The following BANK1 variants were observed in gnomAD, a reference collection of about 807,000 sequenced individuals.
BANK1 encodes the protein B cell scaffold protein with ankyrin repeats 1.
A neutral mutation model predicts 94.5 loss-of-function variants in BANK1; 95 were observed. That is an observed-to-expected ratio of 1.00 (90% CI 0.85 to 1.19). The LOEUF (loss-of-function observed/expected upper bound fraction) is 1.19, where lower values mean the gene tolerates loss of function less well. Among genes scored for constraint, BANK1 ranks in the 50% most tolerant of loss-of-function variants. The pLI, the probability that BANK1 is intolerant of heterozygous loss-of-function variation, is 0.00. For missense variants in BANK1, 987 were observed against 932.2 expected, an observed-to-expected ratio of 1.06 and a Z score of -0.77; for synonymous variants, 334 against 308.4, an observed-to-expected ratio of 1.08 and a Z score of -0.87.
chr4:101,853,914 C>A (rs751745181), intron 2 of BANK1, among the ~76,000 whole-genome samples: 8 of 152,096 alleles, frequency 5.3e-5, no homozygotes, highest in Non-Finnish European at 1.2e-4. Context: ...GTGGTTTGGG[C>A]AATGTTCATT....
At chr4:101,998,178 A>C (rs1725945148) in intron 7 of BANK1, among the ~76,000 whole-genome samples, 1 of 152,158 alleles carries the variant, frequency 6.6e-6, no homozygotes, top group Non-Finnish European at 1.5e-5. Context: ...TTATTTACCC[A>C]GTAGTCATTC....
chr4:101,936,856 G>A (rs941851576), intron 7 of BANK1, among the ~76,000 whole-genome samples: 2 of 151,626 alleles, frequency 1.3e-5, no homozygotes, highest in African/African-American at 2.4e-5. Flanking sequence ...TACACTGTTG[G>A]TGGGAATGTA....
At chr4:101,825,553 T>A (rs986817248) in intron 1 of BANK1, among the ~76,000 whole-genome samples, 2 of 152,124 alleles carry the variant, frequency 1.3e-5, no homozygotes, top group East Asian at 3.8e-4. Flanking sequence ...TTTGTGGCTC[T>A]GATAAGTAAC....
intron 7 of BANK1, chr4:101,972,522 A>G (rs1341331638): frequency 6.6e-6 from 1 of 152,074 alleles, no homozygotes; most frequent in Non-Finnish European, 1.5e-5. Flanking sequence ...AAAGCTGTCC[A>G]CAGTACTAGA....
intron 4 of BANK1, among the ~76,000 whole-genome samples, chr4:101,863,587 G>A (rs950763956): frequency 5.3e-5 from 8 of 152,030 alleles, no homozygotes; most frequent in African/African-American, 1.9e-4. Flanking sequence ...TGTGTGGAAG[G>A]CATGTGTATG....
chr4:101,981,129 C>T (rs1725313659), intron 7 of BANK1, among the ~76,000 whole-genome samples: 1 of 152,064 alleles, frequency 6.6e-6, no homozygotes, highest in Non-Finnish European at 1.5e-5. Context: ...TGATAGTGGG[C>T]ATCCTTGCCT....
chr4:101,884,722 C>T (rs1200773334), intron 5 of BANK1, among the ~76,000 whole-genome samples: 1 of 152,158 alleles, frequency 6.6e-6, no homozygotes, highest in Non-Finnish European at 1.5e-5. Context: ...TAATACATAT[C>T]AATGTTACTT....
chr4:101,843,287 A>G (rs1727126932), intron 2 of BANK1, among the ~76,000 whole-genome samples: 1 of 152,154 alleles, frequency 6.6e-6, no homozygotes, highest in Admixed American at 6.5e-5. Flanking sequence ...TTTGATAAAT[A>G]TTCCACTATA....
chr4:101,870,179 T>C (rs950991009), intron 4 of BANK1, among the ~76,000 whole-genome samples: 30 of 152,008 alleles, frequency 2.0e-4, no homozygotes, highest in African/African-American at 7.0e-4. Context: ...TTTTCCAAAT[T>C]CTAAAGAATT....
intron 10 of BANK1, among the ~76,000 whole-genome samples, chr4:102,042,326 CAGTT>C (rs1199825337): frequency 6.6e-6 from 1 of 151,902 alleles, no homozygotes; most frequent in Non-Finnish European, 1.5e-5. Flanking sequence ...CAGAACTTGC[CAGTT>C]AGTTATATTT....
chr4:101,869,291 C>A (rs1248682584), intron 4 of BANK1, among the ~76,000 whole-genome samples: 1 of 151,826 alleles, frequency 6.6e-6, no homozygotes, highest in Non-Finnish European at 1.5e-5. Flanking sequence ...TTTCATTTGA[C>A]TCCAATAACT....
intron 5 of BANK1, 82 bp downstream of exon 5, chr4:101,870,726 A>T: frequency 6.8e-7 from 1 of 1,460,772 alleles, no homozygotes; most frequent in Non-Finnish European, 9.2e-7. Context: ...CTTTGGTATA[A>T]GTTTGAATGT....
intron 11 of BANK1, 36 bp downstream of exon 11, chr4:102,043,943 T>G: frequency 1.3e-4 from 164 of 1,257,176 alleles, no homozygotes; most frequent in Middle Eastern, 2.0e-4. Flanking sequence ...TAGTAATCTC[T>G]AGGTAAAATA....
chr4:101,932,390 A>G (rs1442534617), intron 7 of BANK1, among the ~76,000 whole-genome samples: 1 of 151,574 alleles, frequency 6.6e-6, no homozygotes. Context: ...TTCACTAACT[A>G]TGAAGTCAAA....
chr4:101,847,196 AGAGTGTGTGTGTGT>A (rs1727280317), intron 2 of BANK1, among the ~76,000 whole-genome samples: 1 of 83,912 alleles, frequency 1.2e-5, no homozygotes, highest in African/African-American at 6.3e-5. Flanking sequence ...TTGGGTTGGC[AGAGTGTGTGTGTGT>A]GTGTGTGTGT....
chr4:101,961,005 G>C (rs116764113), intron 7 of BANK1, among the ~76,000 whole-genome samples: 2 of 152,116 alleles, frequency 1.3e-5, no homozygotes, highest in African/African-American at 2.4e-5. Context: ...GAGAAAAGGA[G>C]TTAATATTAG....
rs1428387331 is a variant in BANK1, at chr4:101,853,644, AAGC to A, written c.470-1388_470-1386del. On this transcript the variant is annotated intron_variant, in intron 2 of 16. Coordinates refer to ENST00000322953, the MANE Select transcript of BANK1 (RefSeq NM_017935.5). ...TGGATATAGTTTGCCTGCTATCAAG[AAGC>A]AGGCGTAATTTTATGATTTGACATA... Among the ~76,000 whole-genome samples, 10 of 152,270 alleles carry A rather than the reference AAGC, an allele frequency of 6.6e-5. No homozygotes were observed. The East Asian group carries it at 1.9e-3, about 29-fold the overall frequency.
intron 1 of BANK1, 47 bp from the exon 2 acceptor site, chr4:101,829,761 C>G: frequency 1.6e-6 from 2 of 1,254,360 alleles, no homozygotes; most frequent in Non-Finnish European, 2.2e-6. Flanking sequence ...ATAATTTAAC[C>G]TGCTGATAGC....
intron 2 of BANK1, among the ~76,000 whole-genome samples, chr4:101,839,248 A>T (rs899987968): frequency 2.0e-5 from 3 of 152,146 alleles, no homozygotes; most frequent in Non-Finnish European, 4.4e-5. Flanking sequence ...ATCCCATTTT[A>T]TAAGTTGCAT....
Sources: allele counts gnomAD v4.1 joint callset (sites outside exome capture counted in the v4.1 genomes callset), GRCh38; gene constraint gnomAD v4.1.1; transcripts MANE v1.5; gene names NCBI Gene and HGNC (gene_info 2026-07-23, HGNC 2026-07-21).